The following DENND1A variants were observed in gnomAD, a reference collection of about 807,000 sequenced individuals.
DENND1A encodes the protein DENN domain-containing protein 1A.
DENND1A carries 51 observed loss-of-function variants against 113.7 expected under a neutral mutation model. The ratio of observed to expected loss-of-function variants is 0.45; its 90% CI spans 0.36 to 0.57. DENND1A has a LOEUF of 0.57. Among genes scored for constraint, DENND1A ranks in the 20% least tolerant of loss-of-function variants. The pLI is 0.00. For synonymous variants in DENND1A, 565 were observed against 570.8 expected (o/e 0.99, Z 0.14); for missense variants, 1,258 against 1,395.9 (o/e 0.90, Z 1.57).
intron 19 of DENND1A, among the ~76,000 whole-genome samples, chr9:123,424,761 C>T (rs1281567536): frequency 6.6e-6 from 1 of 152,232 alleles, no homozygotes. Flanking sequence ...CATCAGCTAT[C>T]TGGGGATCAT....
chr9:123,907,452 G>A (rs1401185768), intron 1 of DENND1A, among the ~76,000 whole-genome samples: 1 of 150,906 alleles, frequency 6.6e-6, no homozygotes, highest in Admixed American at 6.6e-5. Flanking sequence ...AAACCCCATT[G>A]TCTCAGCCCA....
intron 2 of DENND1A, among the ~76,000 whole-genome samples, chr9:123,853,467 C>G (rs1419641986): frequency 6.6e-6 from 1 of 151,676 alleles, no homozygotes; most frequent in East Asian, 2.0e-4. Flanking sequence ...AGTTCGAGAC[C>G]AGCCTGGCCA....
intron 21 of DENND1A, among the ~76,000 whole-genome samples, chr9:123,394,799 G>C (rs1328971779): frequency 6.6e-6 from 1 of 152,212 alleles, no homozygotes; most frequent in African/African-American, 2.4e-5. Context: ...TCCTCTGCAG[G>C]GAAGAGGCAC....
At chr9:123,483,351 G>A (rs1270293558) in intron 13 of DENND1A, among the ~76,000 whole-genome samples, 1 of 152,336 alleles carries the variant, frequency 6.6e-6, no homozygotes, top group East Asian at 1.9e-4. Context: ...ATGCTGGGGG[G>A]CCATGCCGCC....
intron 10 of DENND1A, among the ~76,000 whole-genome samples, chr9:123,615,090 A>G (rs1381232152): frequency 6.6e-6 from 1 of 152,210 alleles, no homozygotes; most frequent in African/African-American, 2.4e-5. Flanking sequence ...AGTGAGAGCG[A>G]TGAGACAGCT....
intron 4 of DENND1A, among the ~76,000 whole-genome samples, 154 bp from the exon 5 acceptor site, chr9:123,757,976 T>TAAAAAAA (rs557446216): frequency 8.1e-6 from 1 of 123,042 alleles, no homozygotes; most frequent in African/African-American, 2.9e-5. Flanking sequence ...GTAAGCTAGT[T>TAAAAAAA]AAAAAAAAAA....
At chr9:123,554,128 G>C (rs1043906695) in intron 13 of DENND1A, among the ~76,000 whole-genome samples, 1 of 152,148 alleles carries the variant, frequency 6.6e-6, no homozygotes, top group African/African-American at 2.4e-5. Flanking sequence ...ACCCTGGCAG[G>C]CTCACTCAAG....
At chr9:123,727,212 GA>G (rs1378894294) in intron 5 of DENND1A, among the ~76,000 whole-genome samples, 1 of 152,156 alleles carries the variant, frequency 6.6e-6, no homozygotes, top group Non-Finnish European at 1.5e-5. Context: ...TCTTTTCCCA[GA>G]AAATGTTTTC....
At chr9:123,886,199 A>G (rs1849059246) in intron 1 of DENND1A, among the ~76,000 whole-genome samples, 1 of 151,580 alleles carries the variant, frequency 6.6e-6, no homozygotes, top group Non-Finnish European at 1.5e-5. Flanking sequence ...TTTTTTTTTC[A>G]AGGCATCATG....
intron 9 of DENND1A, among the ~76,000 whole-genome samples, chr9:123,632,920 A>ATTC (rs1463673105): frequency 1.3e-5 from 2 of 151,662 alleles, no homozygotes; most frequent in African/African-American, 2.4e-5. Context: ...TATTATTATT[A>ATTC]TTATTGAGAC....
At chr9:123,824,759 A>G (rs1026360946) in intron 2 of DENND1A, among the ~76,000 whole-genome samples, 3 of 152,354 alleles carry the variant, frequency 2.0e-5, no homozygotes, top group Admixed American at 6.5e-5. Flanking sequence ...ATTCTAGTGT[A>G]AGATTAAATG....
intron 21 of DENND1A, among the ~76,000 whole-genome samples, chr9:123,388,134 TG>T (rs1242839686): frequency 1.3e-5 from 2 of 152,236 alleles, no homozygotes; most frequent in African/African-American, 4.8e-5. Flanking sequence ...AGAATCACAC[TG>T]GAAGATTGTC....
At chr9:123,829,141 T>C (rs756492513) in intron 2 of DENND1A, among the ~76,000 whole-genome samples, 3 of 152,070 alleles carry the variant, frequency 2.0e-5, no homozygotes, top group African/African-American at 7.2e-5. Flanking sequence ...ATTTCACATA[T>C]AAATGAGCAA....
chr9:123,709,275 C>G (rs927026398), intron 5 of DENND1A, among the ~76,000 whole-genome samples: 5 of 152,176 alleles, frequency 3.3e-5, no homozygotes, highest in Non-Finnish European at 5.9e-5. Flanking sequence ...ACCCAGGCCC[C>G]CCTCTGAGCA....
At chr9:123,545,163 T>C (rs1467462316) in intron 13 of DENND1A, among the ~76,000 whole-genome samples, 1 of 152,076 alleles carries the variant, frequency 6.6e-6, no homozygotes, top group Admixed American at 6.5e-5. Flanking sequence ...ACCTTCTATG[T>C]ATCAGGTTCT....
chr9:123,700,084 T>A lies in DENND1A; in HGVS notation c.303-23295A>T, dbSNP rs1205283288. Among the ~76,000 whole-genome samples the A allele has an allele frequency of 2.0e-5, 3 of 152,216 alleles. No individual in the cohort carries two copies. In the East Asian group the frequency reaches 5.8e-4, roughly 29 times the overall value. ...ATCTAGATATCAGTTGATTCTCTAT[T>A]CTGTTCTACTAATCCGTATGGTCTA... On this transcript the variant is annotated intron_variant, in intron 5 of 23. Coordinates refer to ENST00000394215, the MANE Select transcript of DENND1A (RefSeq NM_001352964.2).
intron 1 of DENND1A, among the ~76,000 whole-genome samples, chr9:123,913,178 C>G (rs1164617119): frequency 6.6e-6 from 1 of 150,842 alleles, no homozygotes; most frequent in Non-Finnish European, 1.5e-5. Context: ...ACCTAGAACT[C>G]CATGCCCATA....
intron 11 of DENND1A, among the ~76,000 whole-genome samples, chr9:123,586,143 C>A (rs1427507433): frequency 6.6e-6 from 1 of 151,986 alleles, no homozygotes; most frequent in Non-Finnish European, 1.5e-5. Flanking sequence ...CAACAGAGGA[C>A]CGTGCACCCC....
intron 2 of DENND1A, among the ~76,000 whole-genome samples, chr9:123,844,924 A>AT (rs1210883092): frequency 3.9e-5 from 6 of 152,202 alleles, no homozygotes; most frequent in Non-Finnish European, 5.9e-5. Context: ...TTGTCAATTA[A>AT]TTTTCAACAA....
Sources: gnomAD v4.1 joint callset for allele counts (sites outside exome capture counted in the v4.1 genomes callset) on GRCh38, gnomAD v4.1.1 for gene constraint, MANE v1.5 for transcripts, NCBI Gene and HGNC (gene_info 2026-07-23, HGNC 2026-07-21) for gene names.